Variants in RBM26 observed in about 807,000 individuals in gnomAD.
RBM26 encodes RNA-binding protein 26.
RBM26 carries 30 observed loss-of-function variants against 123.6 expected under a neutral mutation model. The ratio of observed to expected loss-of-function variants is 0.24; its 90% confidence interval spans 0.18 to 0.33. The LOEUF is 0.33. Ranked by LOEUF, RBM26 falls within the 10% of genes least tolerant of loss-of-function variation. The pLI, the probability that RBM26 is intolerant of heterozygous loss-of-function variation, is 1.00. For missense variants in RBM26, 947 were observed against 1,203.6 expected (o/e 0.79, Z 3.15); for synonymous variants, 400 against 404.4 (o/e 0.99, Z 0.13).
Position 79,320,101 on chromosome 13 carries a change from A to AT in RBM26, c.*519dup. The AT allele has an allele frequency of 2.1e-6, 2 of 974,648 alleles. No individual in the cohort carries two copies. Among genetic ancestry groups the AT allele is most frequent in the Non-Finnish European group, 2.4e-6 (2 of 820,472 alleles). The allele number at this position is 974,648 out of a possible 1,614,324, so 60.4% of individuals were successfully genotyped here. A position where few individuals can be genotyped will look rare whatever the true frequency, so the allele number is the denominator to read the frequency against. ...TTATCATTAAAACCCATATGGTAAA[A>AT]TACATACACAGTCCAACAAAAGGCT... On this transcript the variant is annotated 3_prime_UTR_variant, in exon 22 of 22. Coordinates refer to ENST00000438737, the MANE Select transcript of RBM26 (RefSeq NM_001366735.2).
chr13:79,344,120 T>C (rs1230851467), intron 16 of RBM26, 128 bp downstream of exon 16: 1 of 711,990 alleles, frequency 1.4e-6, no homozygotes, highest in African/African-American at 1.8e-5. Flanking sequence ...TCCAATATTA[T>C]CACTGACAAA....
exon 5 of RBM26, chr13:79,311,988 T>TAGTTCAAGTTTTATCTTTTTTC (rs1221393860): frequency 6.7e-6 from 1 of 150,062 alleles, no homozygotes; most frequent in Non-Finnish European, 1.5e-5. Flanking sequence ...AGTAGTATTC[T>TAGTTCAAGTTTTATCTTTTTTC]AGTTCAAGTT....
At chr13:79,387,903 T>C (rs2140343095) in intron 1 of RBM26, among the ~76,000 whole-genome samples, 1 of 152,336 alleles carries the variant, frequency 6.6e-6, no homozygotes, top group Non-Finnish European at 1.5e-5. Flanking sequence ...TTTCTACCAC[T>C]GTTACATAGC....
chr13:79,335,344 C>G (rs577546071), intron 19 of RBM26, among the ~76,000 whole-genome samples: 1 of 152,026 alleles, frequency 6.6e-6, no homozygotes, highest in African/African-American at 2.4e-5. Flanking sequence ...ATCTACCTCA[C>G]AGGGTTATCC....
intron 18 of RBM26, among the ~76,000 whole-genome samples, chr13:79,338,843 C>A (rs980992376): frequency 6.6e-6 from 1 of 152,078 alleles, no homozygotes; most frequent in African/African-American, 2.4e-5. Context: ...ATTTAAGATA[C>A]ATTTAGGAGT....
chr13:79,354,416 C>G, intron 13 of RBM26, 23 bp downstream of exon 13: 1 of 1,483,294 alleles, frequency 6.7e-7, no homozygotes. Context: ...ATTACGGGCA[C>G]AATCGTAAGA....
chr13:79,339,025 G>A (rs1240459871), intron 18 of RBM26, among the ~76,000 whole-genome samples: 1 of 152,192 alleles, frequency 6.6e-6, no homozygotes, highest in East Asian at 1.9e-4. Flanking sequence ...AAATGGAAGT[G>A]TGAAGCAGGC....
At chr13:79,360,233 A>G (rs1040226720) in intron 9 of RBM26, among the ~76,000 whole-genome samples, 4 of 152,106 alleles carry the variant, frequency 2.6e-5, no homozygotes, top group African/African-American at 9.7e-5. Context: ...AAAGCATAGT[A>G]TATGTAGGGT....
intron 1 of RBM26, among the ~76,000 whole-genome samples, chr13:79,380,022 CAT>C (rs952407408): frequency 1.0e-3 from 158 of 152,236 alleles, no homozygotes; most frequent in African/African-American, 3.5e-3. Context: ...CAATTCTAAA[CAT>C]GAGCTGGTGT....
Position 79,365,802 on chromosome 13 carries a change from C to T in RBM26, c.1277-84G>A. ...TAATATTGATAAGAGAAAAAGTAAA[C>T]AATATAACATATTAACATATAACAT... is the stretch of plus-strand genomic sequence containing the variant. On this transcript the variant is annotated intron_variant, in intron 8 of 21. Transcript: ENST00000438737. The T allele has an allele frequency of 3.3e-6, 4 of 1,217,320 alleles. No homozygotes were observed. In the South Asian group the frequency reaches 4.1e-5, roughly 13 times the overall value. The allele number at this position is 1,217,320 out of a possible 1,614,324, so 75.4% of individuals were successfully genotyped here.
intron 14 of RBM26, among the ~76,000 whole-genome samples, chr13:79,346,533 C>T (rs957675178): frequency 4.6e-5 from 7 of 152,004 alleles, no homozygotes; most frequent in African/African-American, 1.2e-4. Flanking sequence ...CCACCACACC[C>T]GGCTAATGTT....
chr13:79,377,838 G>A (rs1325961386), intron 2 of RBM26, among the ~76,000 whole-genome samples: 2 of 152,066 alleles, frequency 1.3e-5, no homozygotes, highest in Admixed American at 6.6e-5. Context: ...AACCCAGGAG[G>A]CAGAGACTGC....
intron 1 of RBM26, among the ~76,000 whole-genome samples, chr13:79,380,477 G>A (rs1271975536): frequency 6.8e-6 from 1 of 146,548 alleles, no homozygotes; most frequent in African/African-American, 2.4e-5. Flanking sequence ...GGAGGGACAG[G>A]GTAAGAAGGG....
chr13:79,379,371 CAAAAAAA>C (rs1160901778), intron 1 of RBM26, among the ~76,000 whole-genome samples: 8 of 79,466 alleles, frequency 1.0e-4, no homozygotes, highest in African/African-American at 1.5e-4. Context: ...CAGTCTCTAC[CAAAAAAA>C]AAAAAAAAAA....
intron 20 of RBM26, among the ~76,000 whole-genome samples, chr13:79,325,456 T>C (rs997198840): frequency 2.0e-5 from 3 of 152,154 alleles, no homozygotes; most frequent in African/African-American, 7.2e-5. Flanking sequence ...TGTTTAGACA[T>C]AGACTAATGT....
At chr13:79,382,642 G>A (rs1010379161) in intron 1 of RBM26, among the ~76,000 whole-genome samples, 1 of 152,090 alleles carries the variant, frequency 6.6e-6, no homozygotes, top group Non-Finnish European at 1.5e-5. Context: ...TTTGTAGAAG[G>A]CAAATAGAAG....
At chr13:79,317,087 ACT>A (rs1235577550), downstream of RBM26, among the ~76,000 whole-genome samples, 1 of 151,570 alleles carries the variant, frequency 6.6e-6, no homozygotes, top group African/African-American at 2.4e-5. Context: ...CTACTTTAAA[ACT>A]CTGAATTTAG....
At chr13:79,330,640 AAAG>A (rs545800481) in intron 20 of RBM26, among the ~76,000 whole-genome samples, 26 of 152,292 alleles carry the variant, frequency 1.7e-4, no homozygotes, top group Non-Finnish European at 5.9e-5. Context: ...CTAATATATA[AAAG>A]AAGGCTAAAA....
At position 79,405,818 on chromosome 13, in the gene RBM26, G is replaced by A. The variant is rs745770166; in HGVS notation, c.-44C>T. ...CCGTCACACTCCTCCGCCCGCCCAGGTCGCGGCCGCTACAGCCGCCGCTGC... is the reference window on the plus strand; with the variant it reads ...CCGTCACACTCCTCCGCCCGCCCAGATCGCGGCCGCTACAGCCGCCGCTGC... On this transcript the variant is annotated 5_prime_UTR_variant, in exon 1 of 22. Transcript: ENST00000438737. The A allele has an allele frequency of 6.0e-6, 8 of 1,326,830 alleles. No homozygotes were observed. The highest frequency in any genetic ancestry group is 2.1e-5 in the Admixed American group (1 of 46,810). The allele number at this position is 1,326,830 out of a possible 1,614,324, so 82.2% of individuals were successfully genotyped here. A position where few individuals can be genotyped will look rare whatever the true frequency, so the allele number is the denominator to read the frequency against.
Sources: gnomAD v4.1 joint callset for allele counts (sites outside exome capture counted in the v4.1 genomes callset) on GRCh38, gnomAD v4.1.1 for gene constraint, MANE v1.5 for transcripts, NCBI Gene and HGNC (gene_info 2026-07-23, HGNC 2026-07-21) for gene names.